Variants in TMEM59L observed in about 807,000 individuals in gnomAD.
The protein encoded by TMEM59L is transmembrane protein 59 like.
A neutral mutation model predicts 39.6 loss-of-function variants in TMEM59L; 31 were observed. That is an observed-to-expected ratio of 0.78 (90% CI 0.59 to 1.06). The LOEUF (loss-of-function observed/expected upper bound fraction) is 1.06, where lower values mean the gene tolerates loss of function less well. TMEM59L is among the 50% of genes least tolerant of loss of function. The pLI is 0.00. For synonymous variants in TMEM59L, 219 were observed against 202.9 expected, an observed-to-expected ratio of 1.08 and a Z score of -0.68; for missense variants, 441 against 451.3, an observed-to-expected ratio of 0.98 and a Z score of 0.21.
chr19:18,613,462 A>G (rs958926618), intron 1 of TMEM59L, among the ~76,000 whole-genome samples: 2 of 139,206 alleles, frequency 1.4e-5, no homozygotes, highest in Admixed American at 1.4e-4. Flanking sequence ...CCTCCTCCAC[A>G]TCGTGTTCCC....
chr19:18,618,343 G>A, intron 6 of TMEM59L, 32 bp from the exon 7 acceptor site: 1 of 1,609,376 alleles, frequency 6.2e-7, no homozygotes. Context: ...TCCCGGCCTG[G>A]GCAGCTGAGT....
chr19:18,613,693 C>G (rs1187404381), intron 1 of TMEM59L, among the ~76,000 whole-genome samples, 179 bp from the exon 2 acceptor site: 1 of 152,188 alleles, frequency 6.6e-6, no homozygotes, highest in African/African-American at 2.4e-5. Flanking sequence ...CTCCCCATCT[C>G]CCTCCTCAGA....
At chr19:18,620,035 G>C (rs549136953) in intron 7 of TMEM59L, among the ~76,000 whole-genome samples, 8 of 148,712 alleles carry the variant, frequency 5.4e-5, no homozygotes, top group Non-Finnish European at 8.9e-5. Flanking sequence ...GTCCAGGTGT[G>C]GTGGCTCACA....
chr19:18,615,601 A>G (rs1976418860), intron 3 of TMEM59L, among the ~76,000 whole-genome samples: 1 of 152,060 alleles, frequency 6.6e-6, no homozygotes, highest in African/African-American at 2.4e-5. Context: ...CTCTCCTGTT[A>G]GTTTATTTAT....
Position 18,618,444 on chromosome 19 carries a change from G to C in TMEM59L, c.852G>C (p.Leu284=). Residue 284 remains leucine (L), a synonymous_variant, in exon 7 of 8, where the codon CTG becomes CTC. Coordinates refer to ENST00000262817, the MANE Select transcript of TMEM59L (RefSeq NM_012109.3). ...TCTCCGTGCTGGTGATGCTGTGGCT[G>C]AGCTGCTCCACCCTGGTGACCGCGC... ...LFLSVLVMLW[L]SCSTLVTAPG... 1.2e-6 allele frequency: 2 copies of C among 1,608,200 alleles called. No homozygotes were observed. Among genetic ancestry groups the C allele is most frequent in the Non-Finnish European group, 1.7e-6 (2 of 1,179,118 alleles).
chr19:18,618,977 G>A (rs1404648976), intron 7 of TMEM59L, among the ~76,000 whole-genome samples: 3 of 151,492 alleles, frequency 2.0e-5, no homozygotes, highest in African/African-American at 4.9e-5. Context: ...TTACAGGCGT[G>A]ACCCACCGCG....
At chr19:18,614,373 C>T (rs1976406176) in intron 3 of TMEM59L, among the ~76,000 whole-genome samples, 178 bp downstream of exon 3, 1 of 152,190 alleles carries the variant, frequency 6.6e-6, no homozygotes, top group Non-Finnish European at 1.5e-5. Context: ...TGCAACAACG[C>T]CCCCCATGCC....
intron 5 of TMEM59L, 123 bp downstream of exon 5, chr19:18,617,225 C>T (rs568247296): frequency 1.7e-5 from 13 of 755,786 alleles, no homozygotes; most frequent in South Asian, 1.4e-4. Flanking sequence ...TTCCATGGCT[C>T]ATCCCCCAGG....
Position 18,614,053 on chromosome 19 carries a change from G to C in TMEM59L, c.316+37G>C, listed in dbSNP as rs374464818. On this transcript the variant is annotated intron_variant, in intron 2 of 7. Transcript: ENST00000262817. ...CCGGCAGGGTGGGCCAGCGTGGGGAGAGGTGGCCTGGGAAGGGCCGTCCCC... is the reference window on the plus strand; with the variant it reads ...CCGGCAGGGTGGGCCAGCGTGGGGACAGGTGGCCTGGGAAGGGCCGTCCCC... 3 of 1,612,890 alleles carry C rather than the reference G, an allele frequency of 1.9e-6. No individual in the cohort carries two copies. In the African/African-American group the frequency reaches 4.0e-5, roughly 22 times the overall value.
intron 1 of TMEM59L, 144 bp downstream of exon 1, chr19:18,613,273 T>A: frequency 1.1e-6 from 1 of 884,876 alleles, no homozygotes; most frequent in Non-Finnish European, 1.5e-6. Context: ...AATGGGGAGA[T>A]CTCTCCAGTA....
chr19:18,620,674 C>T lies in TMEM59L; in HGVS notation c.*138C>T, dbSNP rs1178945933. 5.4e-6 allele frequency: 7 copies of T among 1,302,360 alleles called. No individual in the cohort carries two copies. The highest frequency in any genetic ancestry group is 6.1e-6 in the Non-Finnish European group (6 of 988,912). The allele number at this position is 1,302,360 out of a possible 1,614,324, so 80.7% of individuals were successfully genotyped here. On this transcript the variant is annotated 3_prime_UTR_variant, in exon 8 of 8. Transcript: ENST00000262817. ...AATCCTTCCTCTCCTCCCAGTCCCA[C>T]CCCTTGCCCCACGGAGTCCTGGGGA...
intron 5 of TMEM59L, chr19:18,617,650 C>T (rs781344504): frequency 2.2e-6 from 1 of 454,238 alleles, no homozygotes; most frequent in Admixed American, 2.4e-5. Flanking sequence ...CATGGTTCAT[C>T]TCTTAGGATT....
At chr19:18,619,797 CCA>C (rs1253147039) in intron 7 of TMEM59L, among the ~76,000 whole-genome samples, 8 of 143,326 alleles carry the variant, frequency 5.6e-5, no homozygotes, top group African/African-American at 1.0e-4. Flanking sequence ...GAGCGAGACT[CCA>C]TCTCAAAAAA....
rs957743093 is a variant in TMEM59L, at chr19:18,613,035, C to T, written c.77C>T (p.Pro26Leu). ...LLASPPAASA[P>L]SARDPFAPQL... ...GCGTCGCCGCCCGCCGCCTCCGCGCCGTCCGCCCGCGATCCCTTCGCCCCC... is the reference window on the plus strand; with the variant it reads ...GCGTCGCCGCCCGCCGCCTCCGCGCTGTCCGCCCGCGATCCCTTCGCCCCC... The change falls in exon 1 of 8, where the codon CCG becomes CTG. Residue 26 changes from proline to leucine, a missense_variant. Coordinates refer to ENST00000262817, the MANE Select transcript of TMEM59L (RefSeq NM_012109.3). 1 of 1,392,722 alleles carries T rather than the reference C, an allele frequency of 7.2e-7. No homozygotes were observed. The highest frequency in any genetic ancestry group is 1.5e-5 in the African/African-American group (1 of 66,290). 86.3% of individuals were successfully genotyped at this position (1,392,722 alleles called of 1,614,324 possible). A position where few individuals can be genotyped will look rare whatever the true frequency, so the allele number is the denominator to read the frequency against.
chr19:18,617,444 G>GGGTTCCGTGTTCCA (rs1568447148), intron 5 of TMEM59L: 3 of 473,208 alleles, frequency 6.3e-6, no homozygotes, highest in African/African-American at 6.1e-5. Flanking sequence ...TCCGTGTTCC[G>GGGTTCCGTGTTCCA]CCTCCCAGCG....
chr19:18,620,307 G>T, intron 7 of TMEM59L, 101 bp from the exon 8 acceptor site: 1 of 1,276,212 alleles, frequency 7.8e-7, no homozygotes, highest in Non-Finnish European at 1.1e-6. Context: ...CTCAAAAAAA[G>T]AAAAAAAATA....
At chr19:18,620,033 G>A (rs11667834) in intron 7 of TMEM59L, among the ~76,000 whole-genome samples, 57,679 of 149,116 alleles carry the variant, frequency 0.39, 11,891 homozygotes, top group East Asian at 0.63. Flanking sequence ...AAGTCCAGGT[G>A]TGGTGGCTCA....
chr19:18,619,839 G>A (rs113924326), intron 7 of TMEM59L, among the ~76,000 whole-genome samples: 8 of 151,274 alleles, frequency 5.3e-5, no homozygotes, highest in African/African-American at 1.7e-4. Context: ...TTAGCTAGAC[G>A]TGGAGGTGCA....
chr19:18,616,644 C>T (rs1392527659), intron 4 of TMEM59L, among the ~76,000 whole-genome samples: 2 of 152,172 alleles, frequency 1.3e-5, no homozygotes, highest in African/African-American at 2.4e-5. Context: ...TCACCTGCCT[C>T]GGCCTCCCAA....
Sources: gnomAD v4.1 joint callset for allele counts (sites outside exome capture counted in the v4.1 genomes callset) on GRCh38, gnomAD v4.1.1 for gene constraint, MANE v1.5 for transcripts, NCBI Gene and HGNC (gene_info 2026-07-23, HGNC 2026-07-21) for gene names.